The following HMGB1 variants were observed in gnomAD, a reference collection of about 807,000 sequenced individuals.
HMGB1 encodes the protein high mobility group protein B1.
For synonymous variants in HMGB1, 81 were observed against 84.0 expected (o/e 0.96, Z 0.19); for missense variants, 79 against 253.5 (o/e 0.31, Z 4.67).
At chr13:30,590,460 C>T (rs867651233) in intron 1 of HMGB1, among the ~76,000 whole-genome samples, 1 of 152,044 alleles carries the variant, frequency 6.6e-6, no homozygotes, top group Admixed American at 6.6e-5. Context: ...TTGGCCTCCC[C>T]GCAAAGTGCT....
At chr13:30,520,350 T>A (rs1441082451) in intron 1 of HMGB1, among the ~76,000 whole-genome samples, 1 of 149,876 alleles carries the variant, frequency 6.7e-6, no homozygotes, top group South Asian at 2.1e-4. Context: ...CTGGGCGCAG[T>A]GGCTCACACC....
At chr13:30,477,764 G>A (rs1887131504) in intron 1 of HMGB1, among the ~76,000 whole-genome samples, 1 of 152,164 alleles carries the variant, frequency 6.6e-6, no homozygotes, top group Non-Finnish European at 1.5e-5. Flanking sequence ...TAAAATCACA[G>A]GCTGGAAATG....
rs1233163829 is a variant in HMGB1 at position 30,603,281 on chromosome 13, C to T, written c.-15+13390G>A. 2.0e-5 allele frequency among the ~76,000 whole-genome samples: 3 copies of T among 152,274 alleles called. No individual in the cohort carries two copies. The South Asian group carries it at 6.2e-4, about 32-fold the overall frequency. On this transcript the variant is annotated intron_variant, in intron 1 of 4. Transcript: ENST00000405805. ...AAATCTGTGTTTACAGTCTAGCTGT[C>T]TCTCCTGAGATTAAGACTTGTTTCT...
chr13:30,581,191 T>C (rs1870887221), intron 1 of HMGB1, among the ~76,000 whole-genome samples: 1 of 152,140 alleles, frequency 6.6e-6, no homozygotes, highest in South Asian at 2.1e-4. Context: ...GGGAATCAGA[T>C]CCAGAAAGTG....
intron 1 of HMGB1, among the ~76,000 whole-genome samples, chr13:30,500,817 G>A (rs994030915): frequency 3.3e-5 from 5 of 150,314 alleles, no homozygotes; most frequent in Admixed American, 2.7e-4. Context: ...TCCACCTCCC[G>A]GGTTCAAGGG....
rs1886161954 is a variant in HMGB1, at chr13:30,459,395, A to G, written c.*1962T>C. On this transcript the variant is annotated 3_prime_UTR_variant, in exon 5 of 5. Coordinates refer to ENST00000341423, the MANE Select transcript of HMGB1 (RefSeq NM_002128.7). Reference sequence around the variant, plus strand: ...CATGACGTACCTACTAAAGTTACAAATTCTCCTTGAGCCAGAATTCATTTT... The same window carrying G: ...CATGACGTACCTACTAAAGTTACAAGTTCTCCTTGAGCCAGAATTCATTTT... 1 of 152,206 alleles carries G rather than the reference A, an allele frequency of 6.6e-6. No homozygotes were observed. The highest frequency in any genetic ancestry group is 6.5e-5 in the Admixed American group (1 of 15,282). The allele number at this position is 152,206 out of a possible 1,614,324, so 9.4% of individuals were successfully genotyped here.
At chr13:30,511,715 T>C (rs1355981133) in intron 1 of HMGB1, among the ~76,000 whole-genome samples, 3 of 152,216 alleles carry the variant, frequency 2.0e-5, no homozygotes, top group Non-Finnish European at 4.4e-5. Context: ...TCTATCTCCC[T>C]TGCCCTGGCT....
chr13:30,573,650 CTTTTTTTT>C (rs774433276), intron 1 of HMGB1, among the ~76,000 whole-genome samples: 2 of 132,428 alleles, frequency 1.5e-5, no homozygotes, highest in Non-Finnish European at 3.3e-5. Context: ...CTAGCATTTT[CTTTTTTTT>C]TTTTTTTTTG....
Position 30,587,409 on chromosome 13 carries a change from C to G in HMGB1, c.-15+29262G>C, listed in dbSNP as rs1480429541. On this transcript the variant is annotated intron_variant, in intron 1 of 4. Coordinates refer to the HMGB1 transcript ENST00000405805. ...CAGGCATGACCACAGCACGCTACAG[C>G]ATCCTGGCCTCAAGCAATTCTCCTG... 1.4e-4 allele frequency among the ~76,000 whole-genome samples: 22 copies of G among 152,210 alleles called. 1 individual carries two copies. The highest frequency in any genetic ancestry group is 1.4e-3 in the Admixed American group (22 of 15,284).
At chr13:30,481,382 G>T (rs1887224755) in intron 1 of HMGB1, among the ~76,000 whole-genome samples, 1 of 152,180 alleles carries the variant, frequency 6.6e-6, no homozygotes, top group Non-Finnish European at 1.5e-5. Flanking sequence ...ACATTCCGAA[G>T]CTACCCAACA....
chr13:30,467,597 T>C (rs1012356987), upstream of HMGB1, among the ~76,000 whole-genome samples: 4 of 152,354 alleles, frequency 2.6e-5, no homozygotes, highest in African/African-American at 9.6e-5. Context: ...TTAACTTTTA[T>C]GTTATTATTT....
intron 1 of HMGB1, among the ~76,000 whole-genome samples, chr13:30,478,879 T>G (rs1261084145): frequency 1.3e-5 from 2 of 150,174 alleles, no homozygotes; most frequent in Non-Finnish European, 3.0e-5. Flanking sequence ...TTCTTTTTTT[T>G]TTTTTTTGAG....
At chr13:30,500,117 T>G (rs557598754) in intron 1 of HMGB1, among the ~76,000 whole-genome samples, 1 of 152,232 alleles carries the variant, frequency 6.6e-6, no homozygotes, top group South Asian at 2.1e-4. Flanking sequence ...GAGCAGGTTG[T>G]TATAAAAGCT....
chr13:30,586,858 C>T (rs187389289), intron 1 of HMGB1, among the ~76,000 whole-genome samples: 1 of 152,046 alleles, frequency 6.6e-6, no homozygotes, highest in Non-Finnish European at 1.5e-5. Context: ...TCAAAATAAA[C>T]CTCGTGACTT....
intron 1 of HMGB1, among the ~76,000 whole-genome samples, chr13:30,510,258 G>A (rs58727101): frequency 0.1 from 15,481 of 152,082 alleles, 1,176 homozygotes; most frequent in African/African-American, 0.2. Flanking sequence ...TGAGTGAGTG[G>A]GGGTAGGCAT....
chr13:30,543,865 C>T (rs1290322360), intron 1 of HMGB1, among the ~76,000 whole-genome samples: 1 of 152,220 alleles, frequency 6.6e-6, no homozygotes, highest in Non-Finnish European at 1.5e-5. Flanking sequence ...CTGAAATTAG[C>T]AGTTTTTCCT....
intron 1 of HMGB1, among the ~76,000 whole-genome samples, chr13:30,610,213 A>AC (rs1395839494): frequency 6.6e-6 from 1 of 151,478 alleles, no homozygotes; most frequent in African/African-American, 2.5e-5. Flanking sequence ...TCAGTGGGCT[A>AC]TTAGCAGCTA....
At chr13:30,535,970 C>T (rs766137840) in intron 1 of HMGB1, among the ~76,000 whole-genome samples, 3 of 152,166 alleles carry the variant, frequency 2.0e-5, no homozygotes, top group Non-Finnish European at 4.4e-5. Flanking sequence ...AAGCAACACA[C>T]TCAAGTAATC....
upstream of HMGB1, among the ~76,000 whole-genome samples, chr13:30,467,082 T>C (rs1345941184): frequency 6.6e-6 from 1 of 152,234 alleles, no homozygotes; most frequent in African/African-American, 2.4e-5. Flanking sequence ...TAGACATACT[T>C]ACGTCTGTAG....
Sources: allele counts gnomAD v4.1 joint callset (sites outside exome capture counted in the v4.1 genomes callset), GRCh38; gene constraint gnomAD v4.1.1; transcripts MANE v1.5; gene names NCBI Gene and HGNC (gene_info 2026-07-23, HGNC 2026-07-21).